The following JAZF1 variants were observed in gnomAD, a reference collection of about 807,000 sequenced individuals.
The protein encoded by JAZF1 is JAZF zinc finger 1, also known as juxtaposed with another zinc finger protein 1.
A neutral mutation model predicts 26.4 loss-of-function variants in JAZF1; 8 were observed. That is an observed-to-expected ratio of 0.30 (90% CI 0.18 to 0.55). The LOEUF (loss-of-function observed/expected upper bound fraction) is 0.55. Among genes scored for constraint, JAZF1 ranks in the 20% least tolerant of loss-of-function variants. The pLI, the probability that JAZF1 is intolerant of heterozygous loss-of-function variation, is 0.94. For missense variants in JAZF1, 199 were observed against 322.0 expected (o/e 0.62, Z 2.92); for synonymous variants, 126 against 122.3 (o/e 1.03, Z -0.20).
At chr7:28,009,888 C>T (rs1782770490) in intron 1 of JAZF1, among the ~76,000 whole-genome samples, 1 of 152,232 alleles carries the variant, frequency 6.6e-6, no homozygotes, top group Non-Finnish European at 1.5e-5. Flanking sequence ...TCAAATCTTG[C>T]TGAATTACAA....
chr7:28,077,509 CTTTT>C (rs1001806439), intron 1 of JAZF1, among the ~76,000 whole-genome samples: 3 of 147,582 alleles, frequency 2.0e-5, no homozygotes, highest in African/African-American at 7.5e-5. Flanking sequence ...CTACTGGAGC[CTTTT>C]TTTTTTCTAC....
chr7:27,929,120 C>A (rs1784643335), intron 2 of JAZF1, among the ~76,000 whole-genome samples: 1 of 152,224 alleles, frequency 6.6e-6, no homozygotes, highest in African/African-American at 2.4e-5. Context: ...TCCCTCTGGA[C>A]TCCTCTTCAA....
At chr7:28,153,834 T>A (rs1173396672) in intron 1 of JAZF1, among the ~76,000 whole-genome samples, 1 of 152,166 alleles carries the variant, frequency 6.6e-6, no homozygotes, top group Non-Finnish European at 1.5e-5. Context: ...CAGAAATCCA[T>A]ACCTCTATTA....
chr7:27,936,495 C>T (rs973146889), intron 2 of JAZF1, among the ~76,000 whole-genome samples: 1 of 152,194 alleles, frequency 6.6e-6, no homozygotes, highest in Non-Finnish European at 1.5e-5. Context: ...AAAAATGTGG[C>T]CTTACTGCTA....
At chr7:28,101,198 G>C (rs563678084) in intron 1 of JAZF1, among the ~76,000 whole-genome samples, 1 of 152,244 alleles carries the variant, frequency 6.6e-6, no homozygotes, top group African/African-American at 2.4e-5. Context: ...CATTAATTTT[G>C]TAAATAATAC....
intron 3 of JAZF1, chr7:27,843,267 C>T (rs1782957276): frequency 6.6e-6 from 1 of 152,232 alleles, no homozygotes; most frequent in African/African-American, 2.4e-5. Context: ...TTAATTTTGT[C>T]CTCTGACAGA....
At chr7:27,970,327 G>A (rs947445997) in intron 2 of JAZF1, among the ~76,000 whole-genome samples, 6 of 152,150 alleles carry the variant, frequency 3.9e-5, no homozygotes, top group African/African-American at 1.4e-4. Context: ...ACTTCTAAAA[G>A]CTTGACTACT....
intron 1 of JAZF1, among the ~76,000 whole-genome samples, chr7:28,065,327 G>A (rs996887951): frequency 2.0e-5 from 3 of 151,954 alleles, no homozygotes; most frequent in Non-Finnish European, 4.4e-5. Flanking sequence ...GAAGCGGGGA[G>A]GCGCCTCAAG....
intron 1 of JAZF1, among the ~76,000 whole-genome samples, chr7:28,066,245 T>C (rs1490910082): frequency 2.0e-5 from 3 of 152,116 alleles, no homozygotes; most frequent in Non-Finnish European, 4.4e-5. Flanking sequence ...GCTGGATGCT[T>C]TGTTAAAAGA....
At chr7:27,945,026 C>T (rs1784904596) in intron 2 of JAZF1, among the ~76,000 whole-genome samples, 1 of 152,082 alleles carries the variant, frequency 6.6e-6, no homozygotes, top group Non-Finnish European at 1.5e-5. Flanking sequence ...GCATTATCAT[C>T]TTAAAACTAT....
At chr7:28,017,652 A>G (rs934025181) in intron 1 of JAZF1, among the ~76,000 whole-genome samples, 1 of 152,280 alleles carries the variant, frequency 6.6e-6, no homozygotes, top group Non-Finnish European at 1.5e-5. Flanking sequence ...TCCTAGGCAC[A>G]TGAGTGCAGC....
At chr7:27,891,264 C>T (rs567552960) in intron 3 of JAZF1, among the ~76,000 whole-genome samples, 1 of 152,244 alleles carries the variant, frequency 6.6e-6, no homozygotes, top group South Asian at 2.1e-4. Flanking sequence ...TTTAGAAAAA[C>T]TTTTAATAAA....
chr7:28,097,116 C>T (rs2127925437), intron 1 of JAZF1, among the ~76,000 whole-genome samples: 1 of 152,112 alleles, frequency 6.6e-6, no homozygotes, highest in South Asian at 2.1e-4. Context: ...TTAAATCACC[C>T]CCCACCCCCA....
At chr7:28,153,995 T>C (rs1479868381) in intron 1 of JAZF1, among the ~76,000 whole-genome samples, 1 of 151,758 alleles carries the variant, frequency 6.6e-6, no homozygotes, top group Non-Finnish European at 1.5e-5. Context: ...CTATGAAAAA[T>C]CCAGGGAGAA....
chr7:27,882,403 G>T (rs1435587991), intron 3 of JAZF1, among the ~76,000 whole-genome samples: 1 of 151,952 alleles, frequency 6.6e-6, no homozygotes, highest in Non-Finnish European at 1.5e-5. Context: ...AACCCAACTT[G>T]TTACAGCTAA....
At chr7:27,947,602 G>A (rs1194821826) in intron 2 of JAZF1, among the ~76,000 whole-genome samples, 2 of 152,140 alleles carry the variant, frequency 1.3e-5, no homozygotes, top group Non-Finnish European at 2.9e-5. Flanking sequence ...TTTGATCCAT[G>A]ACTATGTGTA....
chr7:28,142,189 G>C (rs1194647257), intron 1 of JAZF1, among the ~76,000 whole-genome samples: 1 of 152,080 alleles, frequency 6.6e-6, no homozygotes, highest in Non-Finnish European at 1.5e-5. Context: ...AAATGCTACT[G>C]CCCATAAACA....
intron 1 of JAZF1, among the ~76,000 whole-genome samples, chr7:28,050,329 G>A (rs775153344): frequency 3.9e-5 from 6 of 152,174 alleles, no homozygotes; most frequent in Non-Finnish European, 8.8e-5. Context: ...ACCAGGGGTT[G>A]GAGAAAGAAG....
At chr7:28,139,427 G>A (rs553189522) in intron 1 of JAZF1, among the ~76,000 whole-genome samples, 1 of 152,306 alleles carries the variant, frequency 6.6e-6, no homozygotes, top group Non-Finnish European at 1.5e-5. Flanking sequence ...TCATTAGGAT[G>A]GACCTCTAAT....
Sources: allele counts gnomAD v4.1 joint callset (sites outside exome capture counted in the v4.1 genomes callset), GRCh38; gene constraint gnomAD v4.1.1; transcripts MANE v1.5; gene names NCBI Gene and HGNC (gene_info 2026-07-23, HGNC 2026-07-21).